The following CNTN4 variants were observed in gnomAD, a reference collection of about 807,000 sequenced individuals.
The protein encoded by CNTN4 is contactin 4.
In CNTN4, 77 loss-of-function variants were observed where a neutral mutation model predicts 122.5. That is an observed-to-expected ratio of 0.63 (90% CI 0.52 to 0.76). The LOEUF (loss-of-function observed/expected upper bound fraction) is 0.76, where lower values mean the gene tolerates loss of function less well. CNTN4 is among the 30% of genes least tolerant of loss of function. The pLI is 0.00. For missense variants in CNTN4, 1,256 were observed against 1,259.1 expected (o/e 1.00, Z 0.04); for synonymous variants, 512 against 447.0 (o/e 1.15, Z -1.83).
intron 3 of CNTN4, among the ~76,000 whole-genome samples, chr3:2,526,156 G>A (rs533403794): frequency 9.7e-4 from 148 of 152,122 alleles, no homozygotes; most frequent in Non-Finnish European, 1.6e-3. Flanking sequence ...TCCTCCCTAT[G>A]ACTCAGCTCC....
At position 2,466,386 on chromosome 3, in the gene CNTN4, T is replaced by A. The variant is rs939443971; in HGVS notation, c.-88-105030T>A. Among the ~76,000 whole-genome samples, 7 of 152,326 alleles carry A rather than the reference T, an allele frequency of 4.6e-5. No homozygotes were observed. The East Asian group carries it at 1.3e-3, about 29-fold the overall frequency. ...TTGTCGCTGCTCTTAACTTGTATCT[T>A]TCACCAACATCTACAGGAGTTGTGT... On this transcript the variant is annotated intron_variant, in intron 3 of 24. Transcript: ENST00000418658.
At chr3:2,553,173 A>T (rs1032409953) in intron 3 of CNTN4, among the ~76,000 whole-genome samples, 2 of 152,186 alleles carry the variant, frequency 1.3e-5, no homozygotes, top group African/African-American at 2.4e-5. Context: ...AAAAACTGTT[A>T]TATCTTTAAA....
intron 3 of CNTN4, among the ~76,000 whole-genome samples, chr3:2,360,334 C>G (rs1452860186): frequency 6.6e-6 from 1 of 152,042 alleles, no homozygotes; most frequent in Non-Finnish European, 1.5e-5. Flanking sequence ...AAAAATGTTT[C>G]TGGAATCCTT....
At chr3:2,359,830 C>T (rs1295528642) in intron 3 of CNTN4, among the ~76,000 whole-genome samples, 1 of 152,184 alleles carries the variant, frequency 6.6e-6, no homozygotes, top group African/African-American at 2.4e-5. Context: ...AGAGCCACGG[C>T]ACCTGGCCGT....
At chr3:2,619,012 A>G (rs1320351711) in intron 4 of CNTN4, among the ~76,000 whole-genome samples, 1 of 152,144 alleles carries the variant, frequency 6.6e-6, no homozygotes, top group African/African-American at 2.4e-5. Flanking sequence ...CCTTGACCTT[A>G]TACCTCTCTG....
At chr3:2,956,022 C>A (rs938967481) in intron 13 of CNTN4, among the ~76,000 whole-genome samples, 2 of 152,054 alleles carry the variant, frequency 1.3e-5, no homozygotes, top group Admixed American at 6.6e-5. Context: ...GCATAATAAT[C>A]AAAAAGTGGA....
At chr3:2,340,684 T>TA (rs1323301667) in intron 3 of CNTN4, among the ~76,000 whole-genome samples, 3 of 23,686 alleles carry the variant, frequency 1.3e-4, no homozygotes, top group African/African-American at 2.9e-4. Flanking sequence ...TGTCATAAAT[T>TA]TTATATATAT....
intron 3 of CNTN4, among the ~76,000 whole-genome samples, chr3:2,557,899 A>G (rs150616057): frequency 3.3e-5 from 5 of 152,312 alleles, no homozygotes; most frequent in African/African-American, 1.2e-4. Flanking sequence ...ATTTTTTCAC[A>G]TAATTTTTCC....
chr3:2,528,874 A>G (rs1013431965), intron 3 of CNTN4, among the ~76,000 whole-genome samples: 4 of 152,208 alleles, frequency 2.6e-5, no homozygotes, highest in East Asian at 1.9e-4. Flanking sequence ...TATTGTCTCA[A>G]TGCATCCAAT....
chr3:2,125,562 C>CTTTTTT (rs201659840), intron 2 of CNTN4, among the ~76,000 whole-genome samples: 7 of 124,004 alleles, frequency 5.6e-5, no homozygotes, highest in Non-Finnish European at 1.2e-4. Flanking sequence ...TTTTCTTTTT[C>CTTTTTT]TTTTTTTTTT....
intron 3 of CNTN4, among the ~76,000 whole-genome samples, chr3:2,411,307 G>A (rs964632673): frequency 3.3e-5 from 5 of 152,084 alleles, no homozygotes; most frequent in African/African-American, 1.2e-4. Flanking sequence ...TGCACACCCT[G>A]CACATGTATC....
At chr3:2,810,506 T>A (rs2092579405) in intron 6 of CNTN4, among the ~76,000 whole-genome samples, 1 of 152,202 alleles carries the variant, frequency 6.6e-6, no homozygotes, top group Non-Finnish European at 1.5e-5. Context: ...AATAGAGGAT[T>A]GCTGACCCTA....
chr3:2,315,487 T>A (rs1353061869), intron 2 of CNTN4, among the ~76,000 whole-genome samples: 1 of 152,056 alleles, frequency 6.6e-6, no homozygotes, highest in Non-Finnish European at 1.5e-5. Flanking sequence ...CAGTATTATT[T>A]TTTTTAATGG....
intron 3 of CNTN4, among the ~76,000 whole-genome samples, chr3:2,448,674 C>T (rs577768600): frequency 7.6e-4 from 116 of 152,292 alleles, no homozygotes; most frequent in African/African-American, 2.7e-3. Context: ...AGTAACATAT[C>T]GTGGCAGCTG....
intron 4 of CNTN4, among the ~76,000 whole-genome samples, chr3:2,619,752 G>GT (rs2081923164): frequency 6.6e-6 from 1 of 152,168 alleles, no homozygotes; most frequent in Non-Finnish European, 1.5e-5. Context: ...TCCTTGAAAT[G>GT]TTTTTTGTAC....
At chr3:2,978,083 T>A (rs1377779780) in intron 13 of CNTN4, among the ~76,000 whole-genome samples, 1 of 152,132 alleles carries the variant, frequency 6.6e-6, no homozygotes, top group East Asian at 1.9e-4. Flanking sequence ...ACCTGGCCAA[T>A]ACCTTCATGT....
intron 4 of CNTN4, among the ~76,000 whole-genome samples, chr3:2,589,230 G>C (rs909542403): frequency 2.0e-5 from 3 of 152,150 alleles, no homozygotes; most frequent in South Asian, 2.1e-4. Context: ...AGTAGTTGCG[G>C]CATTAGTAGT....
At chr3:2,469,496 A>T (rs1052777907) in intron 3 of CNTN4, among the ~76,000 whole-genome samples, 1 of 152,176 alleles carries the variant, frequency 6.6e-6, no homozygotes, top group African/African-American at 2.4e-5. Context: ...TTATAGCCCT[A>T]AATTTTTAGA....
chr3:2,312,310 A>G (rs918869696), intron 2 of CNTN4, among the ~76,000 whole-genome samples: 3 of 152,120 alleles, frequency 2.0e-5, no homozygotes, highest in South Asian at 2.1e-4. Context: ...GAGATTTCAG[A>G]AATGTTTATT....
Sources: allele counts gnomAD v4.1 joint callset (sites outside exome capture counted in the v4.1 genomes callset), GRCh38; gene constraint gnomAD v4.1.1; transcripts MANE v1.5; gene names NCBI Gene and HGNC (gene_info 2026-07-23, HGNC 2026-07-21).